The following YLPM1 variants were observed in gnomAD, a reference collection of about 807,000 sequenced individuals.
YLPM1 encodes YLP motif-containing protein 1.
In YLPM1, 99 loss-of-function variants were observed where a neutral mutation model predicts 230.0. That is an observed-to-expected ratio of 0.43 (90% CI 0.37 to 0.51). YLPM1 has a LOEUF of 0.51. Ranked by LOEUF, YLPM1 falls within the 20% of genes least tolerant of loss-of-function variation. The pLI is 0.00. For missense variants in YLPM1, 2,592 were observed against 2,707.7 expected, an observed-to-expected ratio of 0.96 and a Z score of 0.95; for synonymous variants, 984 against 942.5, an observed-to-expected ratio of 1.04 and a Z score of -0.81.
rs375926868 is a variant in YLPM1, at chr14:74,781,337, A to G, written c.1294A>G (p.Met432Val). 11 of 1,549,328 alleles carry G rather than the reference A, an allele frequency of 7.1e-6. No individual in the cohort carries two copies. Among genetic ancestry groups the G allele is most frequent in the Non-Finnish European group, 8.7e-6 (10 of 1,147,758 alleles). The change falls in exon 4 of 21, where the codon ATG becomes GTG. Residue 432 changes from methionine (M) to valine (V), a missense_variant. By Grantham distance (21) the Met-to-Val change is conservative. This residue lies in a region of YLPM1 where 1,862 missense variants were observed against 1,819.8 expected (regional missense o/e 1.02). Coordinates refer to ENST00000325680, the MANE Select transcript of YLPM1 (RefSeq NM_019589.3). ...GTTTTTATCCCTTTATTTGTAGACC[A>G]TGTCTGTAGATATGCAGCTGCGGCA... ...IIQPPPHIQT[M>V]SVDMQLRHYE...
At chr14:74,788,706 G>T (rs951262232) in intron 4 of YLPM1, among the ~76,000 whole-genome samples, 1 of 152,096 alleles carries the variant, frequency 6.6e-6, no homozygotes, top group African/African-American at 2.4e-5. Flanking sequence ...AGCCAGGCTT[G>T]GTGGCATGTG....
chr14:74,818,404 T>C (rs1484752548), intron 16 of YLPM1, 90 bp downstream of exon 16: 5 of 1,060,356 alleles, frequency 4.7e-6, no homozygotes, highest in Non-Finnish European at 5.3e-6. Context: ...AGAAAAGTTA[T>C]ATGAATAGTA....
chr14:74,768,250 TTTTG>T (rs149293137), intron 1 of YLPM1, among the ~76,000 whole-genome samples: 7,615 of 152,190 alleles, frequency 0.05, 501 homozygotes, highest in African/African-American at 0.15. Flanking sequence ...GAATGTGTTT[TTTTG>T]TTTGTTTGTT....
In YLPM1 at chr14:74,816,677, A is replaced by C; in HGVS notation, c.5672A>C (p.Lys1891Thr). The C allele has an allele frequency of 6.2e-7, 1 of 1,612,570 alleles. No individual in the cohort carries two copies. Among genetic ancestry groups the C allele is most frequent in the East Asian group, 2.2e-5 (1 of 44,832 alleles). ...GAAAAAGATCCAGATTCTGGAAAGA[A>C]AGTGAAAAAGAAGGTATGGTATTCA... ...KEEKDPDSGKKVKKKVMEYEY... is the reference protein window; with the variant it reads ...KEEKDPDSGKTVKKKVMEYEY... Residue 1891 changes from lysine (K) to threonine (T), a missense_variant, in exon 13 of 21, where the codon AAA (lysine) becomes ACA (threonine). By Grantham distance (78) the Lys-to-Thr change is moderately conservative (BLOSUM62 -1). This residue lies in a region of YLPM1 where 315 missense variants were observed against 429.3 expected (regional missense o/e 0.73). Coordinates refer to ENST00000325680, the MANE Select transcript of YLPM1 (RefSeq NM_019589.3).
At chr14:74,827,587 T>C (rs2091575392) in intron 18 of YLPM1, 2 of 985,346 alleles carry the variant, frequency 2.0e-6, no homozygotes, top group Non-Finnish European at 2.4e-6. Flanking sequence ...CCTTCTGTAT[T>C]GCTGCCTGGC....
chr14:74,817,097 A>C lies in YLPM1; in HGVS notation c.5852A>C (p.Lys1951Thr). 1 of 1,601,954 alleles carries C rather than the reference A, an allele frequency of 6.2e-7. No individual in the cohort carries two copies. Among genetic ancestry groups the C allele is most frequent in the Non-Finnish European group, 8.5e-7 (1 of 1,175,368 alleles). ...FDQFWSAAKT[K>T]GFEVYLAEMS... ...CAGTTTTGGAGTGCAGCAAAAACCA[A>C]GGGATTTGAGGTAGAAGCTTAAAGA... The change falls in exon 14 of 21, where the codon AAG becomes ACG. Residue 1951 changes from lysine (K) to threonine (T), a missense_variant. By Grantham distance (78) the Lys-to-Thr change is moderately conservative. This residue lies in a region of YLPM1 where 315 missense variants were observed against 429.3 expected (regional missense o/e 0.73). Transcript: ENST00000325680.
At chr14:74,797,472 C>T in intron 4 of YLPM1, 108 bp from the exon 5 acceptor site, 1 of 931,774 alleles carries the variant, frequency 1.1e-6, no homozygotes, top group Non-Finnish European at 1.5e-6. Flanking sequence ...TGAAAAGAGT[C>T]ATTGTTGTAA....
intron 1 of YLPM1, among the ~76,000 whole-genome samples, chr14:74,775,197 G>A (rs553369648): frequency 6.6e-6 from 1 of 152,286 alleles, no homozygotes; most frequent in East Asian, 1.9e-4. Flanking sequence ...TCAGGTAATA[G>A]TAATGAGTGA....
chr14:74,790,331 T>C (rs371078152), intron 4 of YLPM1, among the ~76,000 whole-genome samples: 1 of 152,178 alleles, frequency 6.6e-6, no homozygotes, highest in African/African-American at 2.4e-5. Flanking sequence ...TTTTAGGACC[T>C]TGGTTATACA....
chr14:74,802,652 A>T lies in YLPM1; in HGVS notation c.4497A>T (p.Thr1499=). 6.2e-7 allele frequency: 1 copy of T among 1,612,778 alleles called. No individual in the cohort carries two copies. The highest frequency in any genetic ancestry group is 1.1e-5 in the South Asian group (1 of 90,792). Residue 1499 remains threonine, a synonymous_variant, in exon 6 of 21, where the codon ACA becomes ACT. Coordinates refer to ENST00000325680, the MANE Select transcript of YLPM1 (RefSeq NM_019589.3). ...CTCAGGAATCAAGATTGCAGAATAC[A>T]TCTTCAAGACCTGGAATGTATCCGG... ...LPPQESRLQN[T]SSRPGMYPPP... is the part of the protein sequence containing the mutation.
chr14:74,829,252 G>A lies in YLPM1; in HGVS notation c.6203G>A (p.Arg2068His), dbSNP rs375328224. The A allele has an allele frequency of 7.4e-6, 12 of 1,613,100 alleles. No homozygotes were observed. The highest frequency in any genetic ancestry group is 2.7e-5 in the African/African-American group (2 of 74,846). Residue 2068 changes from arginine (R) to histidine (H), a missense_variant, in exon 19 of 21, where the codon CGT becomes CAT. Physicochemically the swap from Arg to His is conservative, Grantham distance 29. This residue lies in a region of YLPM1 where 315 missense variants were observed against 429.3 expected (regional missense o/e 0.73). Coordinates refer to ENST00000325680, the MANE Select transcript of YLPM1 (RefSeq NM_019589.3). Reference protein sequence around the residue: ...DGLRTGTKRKRDWEAIASRME... With the variant: ...DGLRTGTKRKHDWEAIASRME... ...TTGAGGACTGGTACTAAAAGGAAAC[G>A]TGACTGGGAGGCCATTGCCAGCAGA...
chr14:74,809,386 G>A lies in YLPM1; in HGVS notation c.4528G>A (p.Gly1510Arg), dbSNP rs751418013. 1 of 1,607,522 alleles carries A rather than the reference G, an allele frequency of 6.2e-7. No individual in the cohort carries two copies. Among genetic ancestry groups the A allele is most frequent in the Non-Finnish European group, 8.5e-7 (1 of 1,176,782 alleles). The change falls in exon 7 of 21, where the codon GGG becomes AGG. Residue 1510 changes from glycine (G) to arginine (R), a missense_variant. Gly to Arg is a moderately radical substitution (Grantham distance 125). This residue lies in a region of YLPM1 where 403 missense variants were observed against 426.7 expected (regional missense o/e 0.94). Coordinates refer to ENST00000325680, the MANE Select transcript of YLPM1 (RefSeq NM_019589.3). ...TATTTATTCTGTTCTCTAGCCTCCAGGGTCGTATAGACCTCCCCCTCCTAT... is the reference window on the plus strand; with the variant it reads ...TATTTATTCTGTTCTCTAGCCTCCAAGGTCGTATAGACCTCCCCCTCCTAT... Reference protein sequence around the residue: ...SSRPGMYPPPGSYRPPPPMGK... With the variant: ...SSRPGMYPPPRSYRPPPPMGK...
At chr14:74,831,957 A>G (rs2091611225) in intron 19 of YLPM1, among the ~76,000 whole-genome samples, 1 of 152,206 alleles carries the variant, frequency 6.6e-6, no homozygotes, top group Non-Finnish European at 1.5e-5. Flanking sequence ...TGGGTATAAA[A>G]TGGTAGCTTA....
intron 5 of YLPM1, among the ~76,000 whole-genome samples, chr14:74,800,308 G>A (rs1158940127): frequency 6.6e-6 from 1 of 152,114 alleles, no homozygotes; most frequent in East Asian, 1.9e-4. Flanking sequence ...AGGATTTCTT[G>A]ACTTACAATC....
At chr14:74,810,798 C>CA (rs759707846) in intron 9 of YLPM1, among the ~76,000 whole-genome samples, 3 of 151,992 alleles carry the variant, frequency 2.0e-5, no homozygotes, top group Non-Finnish European at 4.4e-5. Context: ...GGGGCAAGCC[C>CA]ATGAACTATT....
In YLPM1 at chr14:74,791,533, G is replaced by A. The variant is rs187139427; in HGVS notation, c.2283-6047G>A. On this transcript the variant is annotated intron_variant, in intron 4 of 20. Transcript: ENST00000325680. ...GGCTTTTACACATGCTCTTTTCTTT[G>A]TCTGGAATTCCCTTCTTGCCATTCT... is the stretch of plus-strand genomic sequence containing the variant. Among the ~76,000 whole-genome samples the A allele has an allele frequency of 1.8e-3, 271 of 152,122 alleles. 2 individuals carry two copies. Among genetic ancestry groups the A allele is most frequent in the Non-Finnish European group, 2.5e-3 (171 of 67,994 alleles).
intron 20 of YLPM1, 44 bp from the exon 21 acceptor site, chr14:74,835,731 T>C (rs1228484771): frequency 2.4e-6 from 1 of 416,756 alleles, no homozygotes; most frequent in East Asian, 6.6e-5. Context: ...CTGAACTTTT[T>C]GCCTGTTCTT....
At chr14:74,800,385 A>G (rs1301441147) in intron 5 of YLPM1, among the ~76,000 whole-genome samples, 1 of 152,206 alleles carries the variant, frequency 6.6e-6, no homozygotes, top group Non-Finnish European at 1.5e-5. Context: ...AAAAGCTAAC[A>G]TTTATTGCAT....
At chr14:74,782,591 T>C (rs2091106903) in intron 4 of YLPM1, among the ~76,000 whole-genome samples, 2 of 152,234 alleles carry the variant, frequency 1.3e-5, no homozygotes, top group Admixed American at 6.5e-5. Context: ...TCATTTTGTA[T>C]TGACTTATTA....
Sources: allele counts gnomAD v4.1 joint callset (sites outside exome capture counted in the v4.1 genomes callset), GRCh38; gene constraint gnomAD v4.1.1; regional missense constraint gnomAD v4.1.1; transcripts MANE v1.5; gene names NCBI Gene and HGNC (gene_info 2026-07-23, HGNC 2026-07-21).